Variants in CPA6 observed in about 807,000 individuals in gnomAD.
CPA6 encodes the protein carboxypeptidase A6, also known as carboxypeptidase B.
In CPA6, 58 loss-of-function variants were observed where a neutral mutation model predicts 63.3. The observed-to-expected ratio is 0.92, with a 90% CI of 0.74 to 1.14. The LOEUF (loss-of-function observed/expected upper bound fraction) is 1.14. CPA6 is among the 50% of genes most tolerant of loss of function. The pLI is 0.00. For synonymous variants in CPA6, 185 were observed against 179.0 expected, an observed-to-expected ratio of 1.03 and a Z score of -0.27; for missense variants, 565 against 526.6, an observed-to-expected ratio of 1.07 and a Z score of -0.71.
At position 67,565,345 on chromosome 8, in the gene CPA6, G is replaced by A. The variant is rs574825873; in HGVS notation, c.193-47298C>T. ...CAGAAAAACAAAAATGACAAGAAACGTTCTGTCAGCAGCATGCGATTAAAA... is the reference window on the plus strand; with the variant it reads ...CAGAAAAACAAAAATGACAAGAAACATTCTGTCAGCAGCATGCGATTAAAA... On this transcript the variant is annotated intron_variant, in intron 2 of 10. Coordinates refer to ENST00000297770, the MANE Select transcript of CPA6 (RefSeq NM_020361.5). Among the ~76,000 whole-genome samples the A allele has an allele frequency of 5.3e-5, 8 of 152,204 alleles. No individual in the cohort carries two copies. In the South Asian group the frequency reaches 1.7e-3, roughly 32 times the overall value.
rs545461667 is a variant in CPA6 at position 67,746,190 on chromosome 8, C to T, written c.-61G>A. 8 of 1,265,784 alleles carry T rather than the reference C, an allele frequency of 6.3e-6. No homozygotes were observed. In the East Asian group the frequency reaches 1.2e-4, roughly 19 times the overall value. The allele number at this position is 1,265,784 out of a possible 1,614,324, so 78.4% of individuals were successfully genotyped here. ...CAGCCACCCGAGGCTGGAGGTGGCT[C>T]ACAGCACCCTCTACACACCGCACAG... is the stretch of plus-strand genomic sequence containing the variant. On this transcript the variant is annotated 5_prime_UTR_variant, in exon 1 of 11. Coordinates refer to ENST00000297770, the MANE Select transcript of CPA6 (RefSeq NM_020361.5).
chr8:67,644,922 A>C (rs575967583), intron 1 of CPA6, among the ~76,000 whole-genome samples: 1 of 152,312 alleles, frequency 6.6e-6, no homozygotes, highest in East Asian at 1.9e-4. Context: ...ACTCTTGCCT[A>C]AAACACACGT....
At chr8:67,611,068 C>G (rs1814794067) in intron 2 of CPA6, among the ~76,000 whole-genome samples, 1 of 146,478 alleles carries the variant, frequency 6.8e-6, no homozygotes, top group Non-Finnish European at 1.5e-5. Context: ...TCTACCATGG[C>G]CATGGCCTTT....
At chr8:67,624,810 C>A (rs1399841945) in intron 1 of CPA6, among the ~76,000 whole-genome samples, 3 of 152,048 alleles carry the variant, frequency 2.0e-5, no homozygotes, top group Non-Finnish European at 4.4e-5. Flanking sequence ...GGGCCGTCGG[C>A]GTTAGACACT....
At chr8:67,648,198 C>CAG (rs779665267) in intron 1 of CPA6, among the ~76,000 whole-genome samples, 51 of 149,496 alleles carry the variant, frequency 3.4e-4, no homozygotes, top group Non-Finnish European at 6.6e-4. Flanking sequence ...CTATGTACCG[C>CAG]AGAGACTGTT....
intron 9 of CPA6, among the ~76,000 whole-genome samples, chr8:67,429,279 C>T (rs1161560984): frequency 6.6e-6 from 1 of 152,174 alleles, no homozygotes; most frequent in East Asian, 1.9e-4. Flanking sequence ...ATGATACTCA[C>T]TATCCTTTAA....
At chr8:67,724,648 A>T (rs1441233743) in intron 1 of CPA6, among the ~76,000 whole-genome samples, 1 of 152,226 alleles carries the variant, frequency 6.6e-6, no homozygotes, top group Admixed American at 6.5e-5. Flanking sequence ...GAGACAACCC[A>T]AGACAAAGTG....
intron 6 of CPA6, among the ~76,000 whole-genome samples, chr8:67,491,002 A>G (rs1379579451): frequency 2.0e-5 from 3 of 152,064 alleles, no homozygotes; most frequent in African/African-American, 7.2e-5. Flanking sequence ...CACACATCCA[A>G]TGCAGGACAC....
chr8:67,746,038 TG>T lies in CPA6; in HGVS notation c.91del (p.His31ThrfsTer12). The T allele has an allele frequency of 1.2e-6, 2 of 1,613,562 alleles. No homozygotes were observed. The highest frequency in any genetic ancestry group is 1.7e-6 in the Non-Finnish European group (2 of 1,179,660). ...FLKILQPGHS[H>X]LYNNRYAGDK... Reference sequence around the variant, plus strand: ...CCCAGCATAGCGGTTGTTATAAAGGTGGCTGTGCCCCGGTTGCAGAATCTTC... The same window carrying T: ...CCCAGCATAGCGGTTGTTATAAAGGTGCTGTGCCCCGGTTGCAGAATCTTC... On this transcript the variant is annotated frameshift_variant, in exon 1 of 11. Transcript: ENST00000297770. LOFTEE classifies it high-confidence loss of function.
chr8:67,477,844 A>T (rs1270525589), intron 8 of CPA6, among the ~76,000 whole-genome samples: 6 of 152,200 alleles, frequency 3.9e-5, no homozygotes, highest in Non-Finnish European at 8.8e-5. Flanking sequence ...CCCTGAGCTT[A>T]CCTTGAAGCC....
At chr8:67,708,346 GA>G (rs1044168589) in intron 1 of CPA6, among the ~76,000 whole-genome samples, 1 of 152,126 alleles carries the variant, frequency 6.6e-6, no homozygotes, top group Non-Finnish European at 1.5e-5. Flanking sequence ...GAGCAGGAGA[GA>G]AAAAAATTAT....
chr8:67,717,428 A>G (rs1441481039), intron 1 of CPA6, among the ~76,000 whole-genome samples: 1 of 152,222 alleles, frequency 6.6e-6, no homozygotes, highest in Non-Finnish European at 1.5e-5. Flanking sequence ...ATCCCCAAAT[A>G]CAGACATATC....
rs879363305 is a variant in CPA6, at chr8:67,652,898, T to C, written c.117-28647A>G. On this transcript the variant is annotated intron_variant, in intron 1 of 10. Coordinates refer to ENST00000297770, the MANE Select transcript of CPA6 (RefSeq NM_020361.5). ...GTCTAACATTTAAGTCTTTAATCCATCTTGAATTAATTTTTGTATAAGGTG... is the reference window on the plus strand; with the variant it reads ...GTCTAACATTTAAGTCTTTAATCCACCTTGAATTAATTTTTGTATAAGGTG... Among the ~76,000 whole-genome samples, 880 of 150,412 alleles carry C rather than the reference T, an allele frequency of 5.9e-3. 8 individuals are homozygous for C. Among genetic ancestry groups the C allele is most frequent in the Non-Finnish European group, 9.9e-3 (661 of 66,752 alleles).
chr8:67,496,519 T>TTTTATATATATATA (rs1483713208), intron 6 of CPA6, among the ~76,000 whole-genome samples: 2 of 94,142 alleles, frequency 2.1e-5, no homozygotes, highest in African/African-American at 1.0e-4. Flanking sequence ...ACTATATAGT[T>TTTTATATATATATA]TATATATATA....
intron 2 of CPA6, among the ~76,000 whole-genome samples, chr8:67,530,749 A>G (rs1331987471): frequency 6.6e-6 from 1 of 152,232 alleles, no homozygotes; most frequent in Non-Finnish European, 1.5e-5. Flanking sequence ...TGGAACTGCC[A>G]TTCTAGCATA....
chr8:67,515,966 C>T (rs1050312958), intron 3 of CPA6, among the ~76,000 whole-genome samples: 2 of 152,162 alleles, frequency 1.3e-5, no homozygotes, highest in Admixed American at 6.5e-5. Flanking sequence ...TTCCACTTGG[C>T]CCCCTCATCC....
chr8:67,651,877 A>T (rs576856252), intron 1 of CPA6, among the ~76,000 whole-genome samples: 74 of 152,110 alleles, frequency 4.9e-4, no homozygotes, highest in African/African-American at 1.5e-3. Context: ...TATCTCCTAA[A>T]GCTATCCCTC....
At chr8:67,704,005 C>T (rs1424813245) in intron 1 of CPA6, among the ~76,000 whole-genome samples, 3 of 152,088 alleles carry the variant, frequency 2.0e-5, no homozygotes, top group African/African-American at 7.2e-5. Context: ...TCTTTCCTTG[C>T]CATTTGCTAG....
At chr8:67,506,439 T>C (rs1026408017) in intron 6 of CPA6, among the ~76,000 whole-genome samples, 2 of 152,234 alleles carry the variant, frequency 1.3e-5, no homozygotes, top group Non-Finnish European at 2.9e-5. Context: ...GAGCTGGATA[T>C]CTTGTAAGAA....
Sources: gnomAD v4.1 joint callset for allele counts (sites outside exome capture counted in the v4.1 genomes callset) on GRCh38, gnomAD v4.1.1 for gene constraint, MANE v1.5 for transcripts, NCBI Gene and HGNC (gene_info 2026-07-23, HGNC 2026-07-21) for gene names.